Variants in RBFOX1 observed in about 807,000 individuals in gnomAD.
RBFOX1 encodes RNA binding fox-1 homolog 1, also known as RNA binding protein fox-1 homolog 1.
RBFOX1 carries 8 observed loss-of-function variants against 57.7 expected under a neutral mutation model. The ratio of observed to expected loss-of-function variants is 0.14; its 90% CI spans 0.08 to 0.25. The LOEUF (loss-of-function observed/expected upper bound fraction) is 0.25. Among genes scored for constraint, RBFOX1 ranks in the 10% least tolerant of loss-of-function variants. The pLI is 1.00. For missense variants in RBFOX1, 611 were observed against 548.5 expected (o/e 1.11, Z -1.14); for synonymous variants, 326 against 222.4 (o/e 1.47, Z -4.15).
chr16:7,411,845 G>T (rs1458522301), intron 4 of RBFOX1, among the ~76,000 whole-genome samples: 1 of 150,316 alleles, frequency 6.7e-6, no homozygotes, highest in Non-Finnish European at 1.5e-5. Flanking sequence ...AGTGGTTGTG[G>T]TGAGCCAAGA....
chr16:5,507,811 G>A (rs181943793), intron 2 of RBFOX1, among the ~76,000 whole-genome samples: 21 of 152,166 alleles, frequency 1.4e-4, no homozygotes, highest in African/African-American at 2.9e-4. Flanking sequence ...CCCAAGGATC[G>A]CTGGAACCAC....
intron 3 of RBFOX1, among the ~76,000 whole-genome samples, chr16:6,892,993 C>G (rs1027555917): frequency 9.2e-5 from 14 of 152,206 alleles, no homozygotes; most frequent in Admixed American, 7.2e-4. Flanking sequence ...ATTGCAAAAA[C>G]TACAATTACT....
At chr16:5,646,996 A>G (rs1407050896) in intron 3 of RBFOX1, among the ~76,000 whole-genome samples, 1 of 152,090 alleles carries the variant, frequency 6.6e-6, no homozygotes, top group Non-Finnish European at 1.5e-5. Context: ...GGCGGCTGCG[A>G]TGGAGGCTTC....
intron 3 of RBFOX1, among the ~76,000 whole-genome samples, chr16:5,678,029 C>T (rs1012306213): frequency 6.6e-6 from 1 of 152,168 alleles, no homozygotes; most frequent in Non-Finnish European, 1.5e-5. Context: ...AGCATCTGAA[C>T]CCTTTTGTGT....
At chr16:5,338,401 C>T (rs879401180) in intron 1 of RBFOX1, among the ~76,000 whole-genome samples, 11 of 152,040 alleles carry the variant, frequency 7.2e-5, no homozygotes, top group Admixed American at 3.3e-4. Flanking sequence ...GTGAGTTGAC[C>T]TTTCTTGCCA....
At chr16:7,261,120 T>G (rs2094902886) in intron 4 of RBFOX1, among the ~76,000 whole-genome samples, 1 of 151,636 alleles carries the variant, frequency 6.6e-6, no homozygotes, top group African/African-American at 2.4e-5. Flanking sequence ...GGACTTCCTC[T>G]GTAGGACACA....
chr16:5,561,372 A>G (rs985364342), intron 2 of RBFOX1, among the ~76,000 whole-genome samples: 1 of 149,624 alleles, frequency 6.7e-6, no homozygotes, highest in Non-Finnish European at 1.5e-5. Flanking sequence ...CTATAGCTTC[A>G]TTTTTTTTTT....
intron 4 of RBFOX1, among the ~76,000 whole-genome samples, chr16:7,224,650 T>C (rs1322499479): frequency 6.6e-6 from 1 of 152,164 alleles, no homozygotes; most frequent in Admixed American, 6.5e-5. Flanking sequence ...AATGTCTTTT[T>C]GGTTAAAATA....
chr16:5,465,831 C>T (rs1410492942), intron 1 of RBFOX1, among the ~76,000 whole-genome samples: 1 of 152,196 alleles, frequency 6.6e-6, no homozygotes, highest in Admixed American at 6.5e-5. Flanking sequence ...CCGTGGACTG[C>T]AAGGGTTGAA....
chr16:7,042,818 C>T (rs528721629), intron 3 of RBFOX1, among the ~76,000 whole-genome samples: 32 of 152,182 alleles, frequency 2.1e-4, no homozygotes, highest in Admixed American at 5.2e-4. Context: ...CCCAGGTACT[C>T]GGGAGGCTGA....
At chr16:7,220,617 C>T (rs551243978) in intron 4 of RBFOX1, among the ~76,000 whole-genome samples, 41 of 152,162 alleles carry the variant, frequency 2.7e-4, no homozygotes, top group Non-Finnish European at 4.1e-4. Flanking sequence ...CTGCATCTTC[C>T]TCTGGTTGAG....
chr16:6,216,060 G>A (rs765912414), intron 1 of RBFOX1, among the ~76,000 whole-genome samples: 4 of 152,164 alleles, frequency 2.6e-5, no homozygotes, highest in African/African-American at 7.2e-5. Flanking sequence ...GTTCTCGCTT[G>A]TAAGAGAGAG....
chr16:5,340,568 G>C (rs1054271283), intron 1 of RBFOX1, among the ~76,000 whole-genome samples: 1 of 152,190 alleles, frequency 6.6e-6, no homozygotes, highest in Non-Finnish European at 1.5e-5. Context: ...GGAGCATTTA[G>C]TTTTTGGATG....
intron 4 of RBFOX1, among the ~76,000 whole-genome samples, chr16:7,438,712 C>G (rs533023692): frequency 1.3e-5 from 2 of 152,186 alleles, no homozygotes; most frequent in East Asian, 1.9e-4. Context: ...GAGAGGGTTT[C>G]CATTTCATCT....
At chr16:7,025,869 G>A (rs1309600491) in intron 3 of RBFOX1, among the ~76,000 whole-genome samples, 4 of 152,126 alleles carry the variant, frequency 2.6e-5, no homozygotes, top group African/African-American at 9.7e-5. Context: ...CCAGCAACCA[G>A]GATGAGCTGC....
At chr16:6,903,847 C>T (rs764455138) in intron 3 of RBFOX1, among the ~76,000 whole-genome samples, 1 of 152,102 alleles carries the variant, frequency 6.6e-6, no homozygotes, top group Non-Finnish European at 1.5e-5. Context: ...AAAGGGAATG[C>T]ACGTCATTAC....
At chr16:5,553,268 A>T (rs1384552194) in intron 2 of RBFOX1, among the ~76,000 whole-genome samples, 1 of 151,986 alleles carries the variant, frequency 6.6e-6, no homozygotes, top group African/African-American at 2.4e-5. Flanking sequence ...GTACCCTAGA[A>T]CTTAAAGTAT....
intron 1 of RBFOX1, among the ~76,000 whole-genome samples, chr16:6,275,834 G>A (rs1017248958): frequency 1.3e-5 from 2 of 152,126 alleles, no homozygotes; most frequent in Non-Finnish European, 2.9e-5. Context: ...AATAAAGAAG[G>A]AACAATATAA....
intron 5 of RBFOX1, among the ~76,000 whole-genome samples, chr16:7,546,990 C>G (rs1173620753): frequency 5.9e-5 from 9 of 152,020 alleles, no homozygotes; most frequent in African/African-American, 2.2e-4. Flanking sequence ...CAAAATCACC[C>G]TCTAGAAAGA....
Sources: gnomAD v4.1 joint callset for allele counts (sites outside exome capture counted in the v4.1 genomes callset) on GRCh38, gnomAD v4.1.1 for gene constraint, MANE v1.5 for transcripts, NCBI Gene and HGNC (gene_info 2026-07-23, HGNC 2026-07-21) for gene names.